KCNMA1: variants seen among roughly 807,000 people sequenced by gnomAD.
KCNMA1 encodes Calcium-activated potassium channel subunit alpha-1.
Under a neutral mutation model 140.0 loss-of-function variants are expected in KCNMA1, and 29 were observed. The ratio of observed to expected loss-of-function variants is 0.21; its 90% CI spans 0.15 to 0.28. The LOEUF is 0.28. Ranked by LOEUF, KCNMA1 falls within the 10% of genes least tolerant of loss-of-function variation. The pLI, the probability that KCNMA1 is intolerant of heterozygous loss-of-function variation, is 1.00. For synonymous variants in KCNMA1, 612 were observed against 611.9 expected (o/e 1.00, Z 0.00); for missense variants, 880 against 1,602.2 (o/e 0.55, Z 7.70).
At chr10:77,012,122 G>C in intron 17 of KCNMA1, 79 bp from the exon 18 acceptor site, 4 of 1,607,888 alleles carry the variant, frequency 2.5e-6, no homozygotes, top group Non-Finnish European at 3.4e-6. Context: ...CTCCACGGTG[G>C]TGCCAAATTA....
intron 6 of KCNMA1, among the ~76,000 whole-genome samples, chr10:77,116,702 T>G (rs932589577): frequency 2.0e-5 from 3 of 152,082 alleles, no homozygotes; most frequent in Non-Finnish European, 4.4e-5. Flanking sequence ...TCTAGATCCC[T>G]TCTTCTTTCT....
At chr10:77,449,155 T>C (rs569670837) in intron 1 of KCNMA1, among the ~76,000 whole-genome samples, 1 of 152,002 alleles carries the variant, frequency 6.6e-6, no homozygotes, top group South Asian at 2.1e-4. Context: ...ATTTCATTTC[T>C]GGAAACCTAT....
At chr10:77,611,758 A>G (rs1238647209) in intron 1 of KCNMA1, among the ~76,000 whole-genome samples, 1 of 152,146 alleles carries the variant, frequency 6.6e-6, no homozygotes, top group Non-Finnish European at 1.5e-5. Flanking sequence ...GGCAAGCCAC[A>G]GACAACTTTA....
intron 5 of KCNMA1, among the ~76,000 whole-genome samples, chr10:77,151,008 G>A (rs2126752): frequency 0.77 from 117,033 of 152,078 alleles, 46,077 homozygotes; most frequent in East Asian, 0.99. Flanking sequence ...AGGTCACTCA[G>A]TAACAAAGAA....
At chr10:77,448,343 G>T (rs2097566764) in intron 1 of KCNMA1, among the ~76,000 whole-genome samples, 1 of 152,126 alleles carries the variant, frequency 6.6e-6, no homozygotes, top group South Asian at 2.1e-4. Context: ...GTTTTCTAGG[G>T]TGATATCAAC....
chr10:76,960,626 T>TG (rs1192340267), intron 20 of KCNMA1, among the ~76,000 whole-genome samples: 4 of 140,872 alleles, frequency 2.8e-5, no homozygotes, highest in African/African-American at 7.6e-5. Context: ...TTGTTTTTTT[T>TG]TTTTTTTTTT....
chr10:77,231,515 T>G (rs569008353), intron 3 of KCNMA1, among the ~76,000 whole-genome samples: 1 of 152,314 alleles, frequency 6.6e-6, no homozygotes, highest in Admixed American at 6.5e-5. Context: ...TTTTTTAGGT[T>G]TGCCACTAAT....
At chr10:77,574,223 CTTTCTA>C (rs2073109835) in intron 1 of KCNMA1, among the ~76,000 whole-genome samples, 1 of 151,468 alleles carries the variant, frequency 6.6e-6, no homozygotes, top group Non-Finnish European at 1.5e-5. Flanking sequence ...AGGAACTTTT[CTTTCTA>C]TAAGATATAT....
At chr10:76,945,005 G>T (rs201024706) in intron 22 of KCNMA1, 40 bp from the exon 23 acceptor site, 8 of 1,549,124 alleles carry the variant, frequency 5.2e-6, no homozygotes, top group Non-Finnish European at 7.1e-6. Flanking sequence ...GAGATGGGGG[G>T]AGAAAGAGAC....
intron 1 of KCNMA1, among the ~76,000 whole-genome samples, chr10:77,466,145 C>A (rs76408680): frequency 6.6e-6 from 1 of 152,140 alleles, no homozygotes; most frequent in African/African-American, 2.4e-5. Flanking sequence ...CCCTCTGAAG[C>A]CTGGCTGCCC....
At chr10:76,936,863 A>C (rs2060698130) in intron 23 of KCNMA1, among the ~76,000 whole-genome samples, 1 of 152,168 alleles carries the variant, frequency 6.6e-6, no homozygotes. Context: ...CCCATCTTTG[A>C]ACACAAAGAC....
chr10:77,474,167 C>T (rs914288360), intron 1 of KCNMA1, among the ~76,000 whole-genome samples: 3 of 152,220 alleles, frequency 2.0e-5, no homozygotes, highest in African/African-American at 7.2e-5. Flanking sequence ...GAGCCAGACA[C>T]ACAGCAAAGA....
chr10:77,099,546 C>A (rs1204347510), intron 9 of KCNMA1, among the ~76,000 whole-genome samples: 1 of 152,082 alleles, frequency 6.6e-6, no homozygotes, highest in East Asian at 1.9e-4. Flanking sequence ...GAAACCCCGT[C>A]TCTACTAAAA....
chr10:77,637,588 C>CGCCGCCGCCGCCGCCGCCGCT lies in KCNMA1; in HGVS notation c.34_54dup (p.Ser12_Gly18dup). 1 of 1,464,662 alleles carries CGCCGCCGCCGCCGCCGCCGCT rather than the reference C, an allele frequency of 6.8e-7. No individual in the cohort carries two copies. Among genetic ancestry groups the CGCCGCCGCCGCCGCCGCCGCT allele is most frequent in the Non-Finnish European group, 9.1e-7 (1 of 1,096,926 alleles). 90.7% of individuals were successfully genotyped at this position (1,464,662 alleles called of 1,614,324 possible). On this transcript the variant is annotated inframe_insertion, in exon 1 of 28. Coordinates refer to ENST00000286628, the MANE Select transcript of KCNMA1 (RefSeq NM_001161352.2). ...CTACTCATTCTAAGACTGCTGCCTC[C>CGCCGCCGCCGCCGCCGCCGCT]GCCGCCGCCGCCGCCGCCGCTGCTG...
intron 2 of KCNMA1, among the ~76,000 whole-genome samples, chr10:77,339,179 GA>G (rs143944211): frequency 7.6e-5 from 11 of 145,612 alleles, no homozygotes; most frequent in South Asian, 2.2e-4. Flanking sequence ...TGCAATAAAG[GA>G]AAAAAAAAAG....
chr10:77,068,332 T>C (rs2096039353), intron 14 of KCNMA1, among the ~76,000 whole-genome samples: 1 of 152,200 alleles, frequency 6.6e-6, no homozygotes, highest in South Asian at 2.1e-4. Context: ...ATTCTATACA[T>C]ACATATGTAC....
chr10:77,113,190 T>C lies in KCNMA1; in HGVS notation c.885-748A>G, dbSNP rs7088115. On this transcript the variant is annotated intron_variant, in intron 6 of 27. Coordinates refer to ENST00000286628, the MANE Select transcript of KCNMA1 (RefSeq NM_001161352.2). ...AATATTTTAGGCTTTACAGGCCATA[T>C]AGACATTGTCACAAATACTCAACTC... Among the ~76,000 whole-genome samples the C allele has an allele frequency of 3.7e-3, 547 of 149,834 alleles. 5 individuals are homozygous for C. Among genetic ancestry groups the C allele is most frequent in the African/African-American group, 0.013 (524 of 40,202 alleles).
chr10:76,889,873 T>C, intron 26 of KCNMA1: 1 of 426,020 alleles, frequency 2.3e-6, no homozygotes, highest in South Asian at 2.1e-5. Context: ...TAAGTCAAAG[T>C]GTAAAGCTTG....
chr10:77,433,546 A>G (rs2097194334), intron 1 of KCNMA1: 1 of 152,248 alleles, frequency 6.6e-6, no homozygotes, highest in South Asian at 2.1e-4. Context: ...TCCCAAAGGA[A>G]TACTTTATAT....
Sources: allele counts gnomAD v4.1 joint callset (sites outside exome capture counted in the v4.1 genomes callset), GRCh38; gene constraint gnomAD v4.1.1; transcripts MANE v1.5; gene names NCBI Gene and HGNC (gene_info 2026-07-23, HGNC 2026-07-21).